CNTNAP2: variants seen among roughly 807,000 people sequenced by gnomAD.
The protein encoded by CNTNAP2 is contactin associated protein 2, also known as contactin-associated protein-like 2.
In CNTNAP2, 98 loss-of-function variants were observed where a neutral mutation model predicts 155.2. The ratio of observed to expected loss-of-function variants is 0.63; its 90% confidence interval spans 0.54 to 0.75. The LOEUF (loss-of-function observed/expected upper bound fraction) is 0.75. Among genes scored for constraint, CNTNAP2 ranks in the 30% least tolerant of loss-of-function variants. CNTNAP2 has a pLI of 0.00. For missense variants in CNTNAP2, 1,727 were observed against 1,688.1 expected (o/e 1.02, Z -0.40); for synonymous variants, 651 against 631.2 (o/e 1.03, Z -0.47).
At chr7:147,856,749 T>TA (rs1356624391) in intron 13 of CNTNAP2, among the ~76,000 whole-genome samples, 1 of 152,008 alleles carries the variant, frequency 6.6e-6, no homozygotes, top group Non-Finnish European at 1.5e-5. Context: ...GTTAAAGGAG[T>TA]AATCATACAG....
At chr7:146,346,344 T>A (rs564973800) in intron 1 of CNTNAP2, among the ~76,000 whole-genome samples, 1 of 152,284 alleles carries the variant, frequency 6.6e-6, no homozygotes, top group Non-Finnish European at 1.5e-5. Flanking sequence ...GTGAATCCTA[T>A]TGTCAACTGT....
chr7:147,180,646 A>G (rs1440197980), intron 8 of CNTNAP2, among the ~76,000 whole-genome samples: 2 of 152,220 alleles, frequency 1.3e-5, no homozygotes, highest in African/African-American at 4.8e-5. Context: ...AAAAAAATGC[A>G]TAGTAAATGC....
At chr7:147,315,043 A>G (rs1255306290) in intron 9 of CNTNAP2, among the ~76,000 whole-genome samples, 2 of 150,056 alleles carry the variant, frequency 1.3e-5, no homozygotes, top group East Asian at 3.9e-4. Context: ...TGTGTTTGCT[A>G]AGATAATACA....
intron 13 of CNTNAP2, among the ~76,000 whole-genome samples, chr7:147,731,372 G>A (rs2116466701): frequency 6.6e-6 from 1 of 152,134 alleles, no homozygotes; most frequent in Non-Finnish European, 1.5e-5. Flanking sequence ...AGACTCTTAA[G>A]AGTTCTACTA....
intron 8 of CNTNAP2, among the ~76,000 whole-genome samples, chr7:147,143,885 G>A (rs1270876388): frequency 6.6e-6 from 1 of 152,112 alleles, no homozygotes; most frequent in Non-Finnish European, 1.5e-5. Context: ...ATGACGTGAA[G>A]TAAAGCCTTG....
chr7:148,090,764 TGAAATTA>T (rs1441595163), intron 15 of CNTNAP2, among the ~76,000 whole-genome samples: 9 of 152,074 alleles, frequency 5.9e-5, no homozygotes, highest in Non-Finnish European at 1.2e-4. Flanking sequence ...CCAAAGGAAA[TGAAATTA>T]GTATGTAGAA....
chr7:146,845,973 C>G (rs1226534343), intron 3 of CNTNAP2, among the ~76,000 whole-genome samples: 1 of 152,138 alleles, frequency 6.6e-6, no homozygotes, highest in African/African-American at 2.4e-5. Flanking sequence ...AGTGGTTGCA[C>G]TAATTTTCCA....
At chr7:146,354,157 A>G (rs1387956855) in intron 1 of CNTNAP2, among the ~76,000 whole-genome samples, 1 of 152,134 alleles carries the variant, frequency 6.6e-6, no homozygotes, top group Admixed American at 6.5e-5. Context: ...AGAGAAATCT[A>G]TTCTTGTTCA....
intron 2 of CNTNAP2, among the ~76,000 whole-genome samples, chr7:146,784,211 A>G (rs1323746425): frequency 3.3e-5 from 5 of 152,144 alleles, no homozygotes; most frequent in Admixed American, 6.5e-5. Flanking sequence ...AATTCTATAT[A>G]TCTTAATATT....
intron 1 of CNTNAP2, among the ~76,000 whole-genome samples, chr7:146,392,041 G>C (rs1411502692): frequency 6.6e-6 from 1 of 152,044 alleles, no homozygotes; most frequent in Non-Finnish European, 1.5e-5. Context: ...ATAAATTTTG[G>C]TGAGTAGTAT....
At chr7:146,904,770 C>A (rs62481458) in intron 3 of CNTNAP2, among the ~76,000 whole-genome samples, 1 of 152,140 alleles carries the variant, frequency 6.6e-6, no homozygotes, top group African/African-American at 2.4e-5. Context: ...CGCGTCCGGC[C>A]GAGAATTCAT....
chr7:147,828,490 C>G (rs1268400503), intron 13 of CNTNAP2, among the ~76,000 whole-genome samples: 2 of 152,126 alleles, frequency 1.3e-5, no homozygotes, highest in Non-Finnish European at 2.9e-5. Context: ...AATGGCACAT[C>G]TTTTTTGGAA....
At chr7:147,044,175 CATAT>C in intron 4 of CNTNAP2, 121 bp downstream of exon 4, 1 of 1,056,650 alleles carries the variant, frequency 9.5e-7, no homozygotes, top group Non-Finnish European at 1.4e-6. Flanking sequence ...TTCTCATTTA[CATAT>C]ATATGTATCT....
chr7:147,977,142 C>G (rs917009715), intron 14 of CNTNAP2, among the ~76,000 whole-genome samples: 3 of 152,180 alleles, frequency 2.0e-5, no homozygotes, highest in African/African-American at 7.2e-5. Flanking sequence ...TTTCTATGCT[C>G]CATTCTAGAG....
At chr7:147,315,637 C>T (rs994414771) in intron 9 of CNTNAP2, among the ~76,000 whole-genome samples, 2 of 151,826 alleles carry the variant, frequency 1.3e-5, no homozygotes, top group Non-Finnish European at 2.9e-5. Flanking sequence ...GCCCGCCACA[C>T]GCCCGGCTAA....
chr7:147,541,522 C>A (rs1028287445), intron 11 of CNTNAP2, among the ~76,000 whole-genome samples: 3 of 152,180 alleles, frequency 2.0e-5, no homozygotes, highest in African/African-American at 7.2e-5. Flanking sequence ...GAGGTCTTCT[C>A]AAATTCTAAA....
At chr7:146,525,298 G>A (rs1029075082) in intron 1 of CNTNAP2, among the ~76,000 whole-genome samples, 18 of 151,556 alleles carry the variant, frequency 1.2e-4, no homozygotes, top group East Asian at 3.9e-4. Flanking sequence ...ACTTGTTTTC[G>A]AAACAACGCC....
At chr7:146,289,279 A>G (rs1800391132) in intron 1 of CNTNAP2, among the ~76,000 whole-genome samples, 1 of 152,216 alleles carries the variant, frequency 6.6e-6, no homozygotes, top group Non-Finnish European at 1.5e-5. Flanking sequence ...TTTTATGTTT[A>G]TAAAGCTTTG....
chr7:146,692,394 T>A (rs1324098720), intron 1 of CNTNAP2, among the ~76,000 whole-genome samples: 1 of 152,206 alleles, frequency 6.6e-6, no homozygotes, highest in East Asian at 1.9e-4. Flanking sequence ...CTAAGAGTTA[T>A]CCTGTTGGAA....
Sources: gnomAD v4.1 joint callset for allele counts (sites outside exome capture counted in the v4.1 genomes callset) on GRCh38, gnomAD v4.1.1 for gene constraint, MANE v1.5 for transcripts, NCBI Gene and HGNC (gene_info 2026-07-23, HGNC 2026-07-21) for gene names.